Variants in TBL1XR1 observed in about 807,000 individuals in gnomAD.
TBL1XR1 encodes the protein F-box-like/WD repeat-containing protein TBL1XR1.
Under a neutral mutation model 66.9 loss-of-function variants are expected in TBL1XR1, and 5 were observed. The ratio of observed to expected loss-of-function variants is 0.07; its 90% confidence interval spans 0.04 to 0.16. TBL1XR1 has a LOEUF of 0.16. Among genes scored for constraint, TBL1XR1 ranks in the 10% least tolerant of loss-of-function variants. The pLI, the probability that TBL1XR1 is intolerant of heterozygous loss-of-function variation, is 1.00. For missense variants in TBL1XR1, 238 were observed against 623.2 expected (o/e 0.38, Z 6.58); for synonymous variants, 210 against 206.0 (o/e 1.02, Z -0.17).
At chr3:177,148,122 A>T (rs899684352) in intron 1 of TBL1XR1, among the ~76,000 whole-genome samples, 1 of 152,238 alleles carries the variant, frequency 6.6e-6, no homozygotes, top group Non-Finnish European at 1.5e-5. Context: ...TGAAGAATCA[A>T]TTTTAGGATC....
chr3:177,111,978 C>G (rs1405378365), intron 1 of TBL1XR1, among the ~76,000 whole-genome samples: 1 of 148,278 alleles, frequency 6.7e-6, no homozygotes, highest in South Asian at 2.1e-4. Flanking sequence ...TGCTAAGATC[C>G]TTTGAAGCCT....
chr3:177,150,778 C>T (rs182268598), intron 1 of TBL1XR1, among the ~76,000 whole-genome samples: 8 of 152,188 alleles, frequency 5.3e-5, no homozygotes, highest in East Asian at 3.9e-4. Context: ...TATCTAAGGA[C>T]GCTGACATAA....
intron 3 of TBL1XR1, among the ~76,000 whole-genome samples, chr3:177,055,293 A>C (rs1210487844): frequency 6.6e-6 from 1 of 152,046 alleles, no homozygotes; most frequent in Non-Finnish European, 1.5e-5. Flanking sequence ...TGTGGCTAGG[A>C]AAATTTGGTT....
chr3:177,140,342 A>G (rs1170805060), intron 1 of TBL1XR1, among the ~76,000 whole-genome samples: 2 of 152,140 alleles, frequency 1.3e-5, no homozygotes, highest in East Asian at 3.9e-4. Flanking sequence ...CCTATAACCC[A>G]AAGCTTCCCC....
At chr3:177,054,700 A>G (rs1717581099) in intron 3 of TBL1XR1, among the ~76,000 whole-genome samples, 1 of 152,188 alleles carries the variant, frequency 6.6e-6, no homozygotes, top group Admixed American at 6.5e-5. Flanking sequence ...CATTTTATGT[A>G]TGAATTAAGT....
chr3:177,158,657 T>A (rs1731810850), intron 1 of TBL1XR1, among the ~76,000 whole-genome samples: 1 of 152,192 alleles, frequency 6.6e-6, no homozygotes, highest in Non-Finnish European at 1.5e-5. Flanking sequence ...AGGAGACATT[T>A]CAGCAGCAGT....
intron 3 of TBL1XR1, among the ~76,000 whole-genome samples, chr3:177,054,611 G>A (rs1392740126): frequency 1.3e-5 from 2 of 151,904 alleles, no homozygotes; most frequent in Non-Finnish European, 2.9e-5. Flanking sequence ...TCAGTATTTT[G>A]GAGCTCTTTG....
chr3:177,124,295 C>T (rs971047010), intron 1 of TBL1XR1, among the ~76,000 whole-genome samples: 11 of 152,018 alleles, frequency 7.2e-5, no homozygotes, highest in African/African-American at 2.4e-4. Context: ...AATGGAAATC[C>T]TAGCATAGTC....
At chr3:177,084,399 G>C (rs1290122479) in intron 2 of TBL1XR1, among the ~76,000 whole-genome samples, 3 of 152,184 alleles carry the variant, frequency 2.0e-5, no homozygotes, top group Non-Finnish European at 4.4e-5. Flanking sequence ...GATATATGTA[G>C]AATCACATAT....
chr3:177,103,849 G>A (rs904750317), intron 1 of TBL1XR1, among the ~76,000 whole-genome samples: 4 of 152,122 alleles, frequency 2.6e-5, no homozygotes, highest in Admixed American at 2.0e-4. Flanking sequence ...CATGAATTAA[G>A]AGAAAAATAT....
intron 1 of TBL1XR1, among the ~76,000 whole-genome samples, chr3:177,113,067 C>G (rs552593674): frequency 1.3e-5 from 2 of 152,014 alleles, no homozygotes; most frequent in South Asian, 4.2e-4. Context: ...TACACATTTA[C>G]AGTCAACTAA....
chr3:177,186,624 T>G (rs976753783), intron 1 of TBL1XR1, among the ~76,000 whole-genome samples: 3 of 152,194 alleles, frequency 2.0e-5, no homozygotes, highest in East Asian at 3.8e-4. Flanking sequence ...CTATTCACAG[T>G]TGAAGGTAAC....
intron 13 of TBL1XR1, among the ~76,000 whole-genome samples, chr3:177,033,700 G>A (rs1349350387): frequency 6.6e-6 from 1 of 152,102 alleles, no homozygotes; most frequent in Non-Finnish European, 1.5e-5. Context: ...CAGCTAACAA[G>A]TGGATAAAGA....
At chr3:177,082,738 T>TATA (rs1721561508) in intron 2 of TBL1XR1, among the ~76,000 whole-genome samples, 1 of 63,234 alleles carries the variant, frequency 1.6e-5, no homozygotes, top group Non-Finnish European at 3.0e-5. Flanking sequence ...AAGATAGAGA[T>TATA]TATATATATA....
chr3:177,046,120 GA>G lies in TBL1XR1; in HGVS notation c.925+8del. 1 of 1,528,832 alleles carries G rather than the reference GA, an allele frequency of 6.5e-7. No individual in the cohort carries two copies. Among genetic ancestry groups the G allele is most frequent in the Non-Finnish European group, 8.8e-7 (1 of 1,140,038 alleles). 94.7% of individuals were successfully genotyped at this position (1,528,832 alleles called of 1,614,324 possible). ...GCTCCAGCTTTCACGTAAATTATAAGAAATTTACCTGAATGAAAAGGAAACT... is the reference window on the plus strand; with the variant it reads ...GCTCCAGCTTTCACGTAAATTATAAGAATTTACCTGAATGAAAAGGAAACT... On this transcript the variant is annotated splice_region_variant and intron_variant, in intron 10 of 15. Coordinates refer to ENST00000457928, the MANE Select transcript of TBL1XR1 (RefSeq NM_024665.7).
chr3:177,040,689 C>T (rs1905501), intron 10 of TBL1XR1, among the ~76,000 whole-genome samples: 53,777 of 151,658 alleles, frequency 0.35, 9,813 homozygotes, highest in East Asian at 0.5. Flanking sequence ...ATTGATTTCA[C>T]TGCCTGGCTA....
intron 1 of TBL1XR1, among the ~76,000 whole-genome samples, chr3:177,193,552 G>A (rs756367797): frequency 7.2e-5 from 11 of 152,122 alleles, no homozygotes; most frequent in African/African-American, 1.2e-4. Flanking sequence ...CTCGTGATCC[G>A]CCCGCCTTGG....
At chr3:177,134,713 C>A (rs1728693979) in intron 1 of TBL1XR1, among the ~76,000 whole-genome samples, 1 of 152,144 alleles carries the variant, frequency 6.6e-6, no homozygotes, top group African/African-American at 2.4e-5. Flanking sequence ...CCTACCCTGA[C>A]TGCCTCCTCT....
chr3:177,199,618 T>A (rs1471366445), upstream of TBL1XR1, among the ~76,000 whole-genome samples: 3 of 152,098 alleles, frequency 2.0e-5, no homozygotes. Flanking sequence ...AGCGTCATAT[T>A]CAAAGCTGCC....
Sources: allele counts gnomAD v4.1 joint callset (sites outside exome capture counted in the v4.1 genomes callset), GRCh38; gene constraint gnomAD v4.1.1; transcripts MANE v1.5; gene names NCBI Gene and HGNC (gene_info 2026-07-23, HGNC 2026-07-21).